DGKI: variants seen among roughly 807,000 people sequenced by gnomAD.
DGKI encodes DAG kinase iota.
In DGKI, 55 loss-of-function variants were observed where a neutral mutation model predicts 147.5. That is an observed-to-expected ratio of 0.37 (90% CI 0.30 to 0.47). The LOEUF (loss-of-function observed/expected upper bound fraction) is 0.47. Among genes scored for constraint, DGKI ranks in the 20% least tolerant of loss-of-function variants. The probability of loss-of-function intolerance (pLI) is 1.00; values close to 1 mark genes in which losing one functional copy is unlikely to be tolerated. For missense variants in DGKI, 1,007 were observed against 1,323.8 expected (o/e 0.76, Z 3.71); for synonymous variants, 469 against 477.1 (o/e 0.98, Z 0.22).
intron 2 of DGKI, among the ~76,000 whole-genome samples, chr7:137,688,819 T>C (rs912126527): frequency 6.6e-6 from 1 of 152,202 alleles, no homozygotes; most frequent in African/African-American, 2.4e-5. Flanking sequence ...AGGAAAGGAA[T>C]ATTCTTTCTA....
chr7:137,678,052 T>A (rs560078699), intron 3 of DGKI, among the ~76,000 whole-genome samples: 1 of 152,328 alleles, frequency 6.6e-6, no homozygotes, highest in African/African-American at 2.4e-5. Context: ...ATTGTTTATA[T>A]TATTTCTAGA....
intron 1 of DGKI, among the ~76,000 whole-genome samples, chr7:137,800,341 G>T (rs919620700): frequency 1.2e-4 from 18 of 152,118 alleles, no homozygotes; most frequent in African/African-American, 3.9e-4. Flanking sequence ...GGTGGGAGGC[G>T]TTTGGGTCAT....
At chr7:137,634,412 T>G (rs1821239194) in intron 6 of DGKI, among the ~76,000 whole-genome samples, 1 of 152,234 alleles carries the variant, frequency 6.6e-6, no homozygotes, top group Non-Finnish European at 1.5e-5. Context: ...GAAACAAGGT[T>G]GTGCTATCTG....
intron 6 of DGKI, among the ~76,000 whole-genome samples, chr7:137,644,462 C>A (rs1048797938): frequency 3.3e-5 from 5 of 152,168 alleles, no homozygotes; most frequent in Non-Finnish European, 7.3e-5. Flanking sequence ...AAAATTAATG[C>A]AATTTTTTCC....
At chr7:137,690,528 G>C (rs991882712) in intron 1 of DGKI, among the ~76,000 whole-genome samples, 4 of 152,122 alleles carry the variant, frequency 2.6e-5, no homozygotes, top group African/African-American at 9.7e-5. Flanking sequence ...CCCTGCAGAG[G>C]ACTACATGAG....
intron 1 of DGKI, among the ~76,000 whole-genome samples, chr7:137,814,142 T>A (rs1040652678): frequency 3.3e-5 from 5 of 152,036 alleles, no homozygotes; most frequent in Admixed American, 3.3e-4. Flanking sequence ...CAGTGATGGA[T>A]GAAGGTGAGG....
rs200562739 is a variant in DGKI at position 137,609,545 on chromosome 7, C to G, written c.1058G>C (p.Arg353Thr). 1 of 1,612,330 alleles carries G rather than the reference C, an allele frequency of 6.2e-7. No homozygotes were observed. The highest frequency in any genetic ancestry group is 8.5e-7 in the Non-Finnish European group (1 of 1,178,568). Residue 353 changes from arginine (R) to threonine (T), a missense_variant, in exon 9 of 33, where the codon AGA becomes ACA. Arg to Thr is a moderately conservative substitution (Grantham distance 71). Transcript: ENST00000614521. The part of the protein sequence containing the change: ...RTSFKRKASK[R>T]GMEQENKGRP... ...CTCTGAAACACTTACTTCCATCCCT[C>G]TTTTACTGGCTTTTCTTTTAAAGCT...
At chr7:137,711,155 AAGG>A (rs1387770595) in intron 1 of DGKI, among the ~76,000 whole-genome samples, 1 of 152,180 alleles carries the variant, frequency 6.6e-6, no homozygotes, top group South Asian at 2.1e-4. Flanking sequence ...ATACTGTCAC[AAGG>A]AGGACAACAT....
chr7:137,502,324 G>A (rs1435066276), intron 21 of DGKI, among the ~76,000 whole-genome samples: 1 of 152,064 alleles, frequency 6.6e-6, no homozygotes, highest in Non-Finnish European at 1.5e-5. Context: ...CATTGCCTGC[G>A]ATCTGGGAGT....
chr7:137,415,278 T>C (rs1256828203), intron 28 of DGKI, among the ~76,000 whole-genome samples: 3 of 152,024 alleles, frequency 2.0e-5, no homozygotes, highest in African/African-American at 7.2e-5. Context: ...ATAATAATAA[T>C]GATACAACAG....
chr7:137,689,704 T>G (rs901810732), intron 2 of DGKI, among the ~76,000 whole-genome samples, 190 bp downstream of exon 2: 1 of 152,242 alleles, frequency 6.6e-6, no homozygotes, highest in African/African-American at 2.4e-5. Context: ...TGAACACATC[T>G]GACTTCATAT....
At chr7:137,697,524 G>C (rs1823832380) in intron 1 of DGKI, among the ~76,000 whole-genome samples, 1 of 152,162 alleles carries the variant, frequency 6.6e-6, no homozygotes, top group African/African-American at 2.4e-5. Flanking sequence ...AGATATAAGA[G>C]TAGTTTACAC....
At chr7:137,609,150 T>A in intron 9 of DGKI, 86 bp from the exon 10 acceptor site, 1 of 995,686 alleles carries the variant, frequency 1.0e-6, no homozygotes, top group Admixed American at 2.0e-5. Context: ...AACCACCCAA[T>A]AATACATTTT....
intron 28 of DGKI, among the ~76,000 whole-genome samples, chr7:137,415,302 A>G (rs1386727225): frequency 6.6e-6 from 1 of 152,226 alleles, no homozygotes; most frequent in East Asian, 1.9e-4. Context: ...AAATTACAAT[A>G]AATTTTAAAA....
chr7:137,622,382 C>A (rs912319191), intron 7 of DGKI, among the ~76,000 whole-genome samples: 18 of 152,132 alleles, frequency 1.2e-4, no homozygotes, highest in Admixed American at 2.0e-4. Flanking sequence ...CACCAAGACA[C>A]CACAGCCTTT....
chr7:137,545,827 G>A, intron 20 of DGKI: 2 of 658,958 alleles, frequency 3.0e-6, no homozygotes, highest in Non-Finnish European at 5.6e-6. Flanking sequence ...TGAAGGCAAG[G>A]GACACAGGTA....
chr7:137,760,533 A>G (rs1417691507), intron 1 of DGKI, among the ~76,000 whole-genome samples: 2 of 152,000 alleles, frequency 1.3e-5, no homozygotes, highest in African/African-American at 4.8e-5. Flanking sequence ...AGTCTACTGG[A>G]TTTTATCGGG....
In DGKI at chr7:137,384,228, C is replaced by T; in HGVS notation, c.*6992G>A. 6.6e-6 allele frequency: 1 copy of T among 151,970 alleles called. No individual in the cohort carries two copies. Among genetic ancestry groups the T allele is most frequent in the Non-Finnish European group, 1.5e-5 (1 of 67,940 alleles). The allele number at this position is 151,970 out of a possible 1,614,324, so 9.4% of individuals were successfully genotyped here. On this transcript the variant is annotated 3_prime_UTR_variant, in exon 33 of 33. Transcript: ENST00000614521. ...ATAAGTTAAAGAAGCCATTAACGCT[C>T]ACTGTTAATTTCTTCTCTTGAAATC...
intron 28 of DGKI, among the ~76,000 whole-genome samples, chr7:137,432,176 T>C (rs1292781003): frequency 3.9e-5 from 6 of 152,152 alleles, no homozygotes; most frequent in African/African-American, 1.4e-4. Context: ...GCGTCCTGTA[T>C]AGCCTGTGGA....
Sources: allele counts gnomAD v4.1 joint callset (sites outside exome capture counted in the v4.1 genomes callset), GRCh38; gene constraint gnomAD v4.1.1; transcripts MANE v1.5; gene names NCBI Gene and HGNC (gene_info 2026-07-23, HGNC 2026-07-21).